The following TUBGCP3 variants were observed in gnomAD, a reference collection of about 807,000 sequenced individuals.
TUBGCP3 encodes the protein gamma-tubulin complex component 3.
In TUBGCP3, 50 loss-of-function variants were observed where a neutral mutation model predicts 123.1. The ratio of observed to expected loss-of-function variants is 0.41; its 90% CI spans 0.32 to 0.51. The LOEUF is 0.51. Ranked by LOEUF, TUBGCP3 falls within the 20% of genes least tolerant of loss-of-function variation. The pLI is 0.36. For missense variants in TUBGCP3, 882 were observed against 1,127.0 expected (o/e 0.78, Z 3.11); for synonymous variants, 405 against 413.9 (o/e 0.98, Z 0.26).
At chr13:112,547,873 CT>C in intron 9 of TUBGCP3, 121 bp from the exon 10 acceptor site, 1 of 1,212,740 alleles carries the variant, frequency 8.2e-7, no homozygotes, top group Non-Finnish European at 1.1e-6. Flanking sequence ...CCAAAGTCCC[CT>C]TTAAAAAAAA....
intron 17 of TUBGCP3, among the ~76,000 whole-genome samples, chr13:112,507,254 C>T (rs1197430407): frequency 6.6e-6 from 1 of 152,182 alleles, no homozygotes; most frequent in Admixed American, 6.5e-5. Flanking sequence ...ATGTCTCCAT[C>T]GACCCTTCCC....
chr13:112,576,099 A>G (rs72658019), intron 1 of TUBGCP3, among the ~76,000 whole-genome samples: 23,962 of 152,200 alleles, frequency 0.16, 2,136 homozygotes, highest in Non-Finnish European at 0.21. Context: ...GTTTTATATC[A>G]CTATATTACA....
At chr13:112,530,476 C>T (rs1210611910) in intron 11 of TUBGCP3, among the ~76,000 whole-genome samples, 1 of 152,216 alleles carries the variant, frequency 6.6e-6, no homozygotes, top group Non-Finnish European at 1.5e-5. Flanking sequence ...CTGTGCAGGT[C>T]CACTTATAGG....
At chr13:112,548,060 G>T (rs748711726) in intron 9 of TUBGCP3, 48 bp downstream of exon 9, 3 of 1,390,652 alleles carry the variant, frequency 2.2e-6, no homozygotes, top group African/African-American at 1.5e-5. Flanking sequence ...CTTCAATTTT[G>T]TAACACTTCA....
chr13:112,569,660 T>G (rs1278753802), intron 1 of TUBGCP3, among the ~76,000 whole-genome samples: 4 of 152,088 alleles, frequency 2.6e-5, no homozygotes, highest in Non-Finnish European at 5.9e-5. Flanking sequence ...ACAGTCAAAA[T>G]AGACAGTTAA....
chr13:112,515,468 T>G (rs962346337), intron 17 of TUBGCP3, among the ~76,000 whole-genome samples: 1 of 152,146 alleles, frequency 6.6e-6, no homozygotes, highest in African/African-American at 2.4e-5. Context: ...TCCGCAACAG[T>G]GGCGAGAAGG....
upstream of TUBGCP3, among the ~76,000 whole-genome samples, chr13:112,589,240 T>C (rs1882820069): frequency 6.6e-6 from 1 of 152,224 alleles, no homozygotes. Context: ...CATACTACAA[T>C]GTCCAGATGT....
At position 112,503,614 on chromosome 13, in the gene TUBGCP3, C is replaced by T. The variant is rs532737902; in HGVS notation, c.2307+418G>A. Among the ~76,000 whole-genome samples the T allele has an allele frequency of 4.6e-5, 7 of 152,146 alleles. 1 individual carries two copies. The highest frequency in any genetic ancestry group is 1.0e-4 in the Non-Finnish European group (7 of 67,992). The stretch of plus-strand genomic sequence containing the variant: ...AACTCCCGACCTCAGGTGATCCACC[C>T]GCCTCGGCCTCCCAAAGTGCTGGGA... On this transcript the variant is annotated intron_variant, in intron 19 of 21. Coordinates refer to ENST00000261965, the MANE Select transcript of TUBGCP3 (RefSeq NM_006322.6).
chr13:112,548,187 G>A lies in TUBGCP3; in HGVS notation c.967-11C>T. The A allele has an allele frequency of 6.3e-7, 1 of 1,594,088 alleles. No homozygotes were observed. The highest frequency in any genetic ancestry group is 8.6e-7 in the Non-Finnish European group (1 of 1,167,590). On this transcript the variant is annotated splice_polypyrimidine_tract_variant and intron_variant, in intron 8 of 21. Coordinates refer to ENST00000261965, the MANE Select transcript of TUBGCP3 (RefSeq NM_006322.6). ...GGCAGCACAAAAGCTCTGTTTGGAG[G>A]AGAAATATAATTAAAGCACGACACA...
At chr13:112,596,945 A>G in the TUBGCP3 span, among the ~76,000 whole-genome samples, 1 of 152,382 alleles carries the variant, frequency 6.6e-6, no homozygotes, top group African/African-American at 2.4e-5. Context: ...GTACTGGAAC[A>G]TAACGCAGTG....
intron 19 of TUBGCP3, among the ~76,000 whole-genome samples, chr13:112,503,093 T>TG: frequency 6.6e-6 from 1 of 152,008 alleles, no homozygotes; most frequent in Admixed American, 6.5e-5. Flanking sequence ...CTGAGGAGAG[T>TG]GCAGGCCCAG....
intron 19 of TUBGCP3, among the ~76,000 whole-genome samples, chr13:112,500,505 T>A (rs779838744): frequency 5.3e-5 from 8 of 152,108 alleles, no homozygotes; most frequent in African/African-American, 1.7e-4. Flanking sequence ...GCCAAGAAAA[T>A]ATTAGACTAG....
At chr13:112,564,045 G>T (rs1445426137) in intron 3 of TUBGCP3, among the ~76,000 whole-genome samples, 1 of 146,728 alleles carries the variant, frequency 6.8e-6, no homozygotes, top group Non-Finnish European at 1.5e-5. Flanking sequence ...GTAGAAAATG[G>T]TTTTAAAAAT....
At position 112,569,188 on chromosome 13, in the gene TUBGCP3, C is replaced by G. The variant is rs762309346; in HGVS notation, c.148G>C (p.Asp50His). 6.2e-7 allele frequency: 1 copy of G among 1,614,036 alleles called. No homozygotes were observed. The highest frequency in any genetic ancestry group is 8.5e-7 in the Non-Finnish European group (1 of 1,180,048). Residue 50 changes from aspartate to histidine, a missense_variant, in exon 2 of 22, where the codon GAT becomes CAT. Transcript: ENST00000261965. ...GSNFAPTVER[D>H]EFLVAEKIKK... ...ATTTTTTCAGCTACTAAAAATTCATCTCTTTCAACAGTTGGGGCGAAGTTG... is the reference window on the plus strand; with the variant it reads ...ATTTTTTCAGCTACTAAAAATTCATGTCTTTCAACAGTTGGGGCGAAGTTG...
At chr13:112,564,275 TAAC>T (rs1470271407) in intron 3 of TUBGCP3, among the ~76,000 whole-genome samples, 2 of 152,126 alleles carry the variant, frequency 1.3e-5, no homozygotes, top group Non-Finnish European at 2.9e-5. Context: ...GAGCACAATA[TAAC>T]AACAGAGGAA....
chr13:112,569,062 C>T, intron 2 of TUBGCP3, 90 bp downstream of exon 2: 1 of 1,199,400 alleles, frequency 8.3e-7, no homozygotes, highest in Middle Eastern at 2.1e-4. Flanking sequence ...TTGGGAACTA[C>T]ATACACACCT....
intron 1 of TUBGCP3, 40 bp downstream of exon 1, chr13:112,587,865 G>A (rs765083550): frequency 1.9e-6 from 3 of 1,551,890 alleles, no homozygotes; most frequent in South Asian, 2.4e-5. Context: ...AGCAGCCCCC[G>A]GGACGGGTCT....
chr13:112,578,554 G>A (rs192454103), intron 1 of TUBGCP3, among the ~76,000 whole-genome samples: 963 of 63,826 alleles, frequency 0.015, 11 homozygotes, highest in Middle Eastern at 0.067. Context: ...GTGAGACTCC[G>A]TCTCAAAAAA....
At chr13:112,530,639 T>G (rs1489981265) in intron 11 of TUBGCP3, among the ~76,000 whole-genome samples, 1 of 152,214 alleles carries the variant, frequency 6.6e-6, no homozygotes, top group East Asian at 1.9e-4. Flanking sequence ...ACAGGGGTCC[T>G]AGAACCAATT....
Sources: allele counts gnomAD v4.1 joint callset (sites outside exome capture counted in the v4.1 genomes callset), GRCh38; gene constraint gnomAD v4.1.1; transcripts MANE v1.5; gene names NCBI Gene and HGNC (gene_info 2026-07-23, HGNC 2026-07-21).